HSD17B12: variants seen among roughly 807,000 people sequenced by gnomAD.
HSD17B12 encodes hydroxysteroid 17-beta dehydrogenase 12.
HSD17B12 carries 32 observed loss-of-function variants against 39.3 expected under a neutral mutation model. The observed-to-expected ratio is 0.81, with a 90% CI of 0.61 to 1.09. The LOEUF is 1.09. Among genes scored for constraint, HSD17B12 ranks in the 50% least tolerant of loss-of-function variants. HSD17B12 has a pLI of 0.00. For missense variants in HSD17B12, 342 were observed against 382.9 expected (o/e 0.89, Z 0.89); for synonymous variants, 150 against 146.7 (o/e 1.02, Z -0.16).
intron 4 of HSD17B12, among the ~76,000 whole-genome samples, chr11:43,812,529 T>A (rs989212342): frequency 1.3e-5 from 2 of 152,224 alleles, no homozygotes; most frequent in African/African-American, 4.8e-5. Context: ...TTGAGAAATA[T>A]CTATCCATAT....
At chr11:43,632,218 C>A in the HSD17B12 span, among the ~76,000 whole-genome samples, 14 of 152,150 alleles carry the variant, frequency 9.2e-5, no homozygotes, top group Non-Finnish European at 1.6e-4. Context: ...AGTCATTTTA[C>A]TTCTCTTGTC....
chr11:43,821,145 C>T (rs1016502736), intron 6 of HSD17B12, among the ~76,000 whole-genome samples: 2 of 152,156 alleles, frequency 1.3e-5, no homozygotes. Flanking sequence ...CTTAGTTCTC[C>T]AGTTTCATCC....
the HSD17B12 span, among the ~76,000 whole-genome samples, chr11:43,619,230 T>TAAAATATATATATATG: frequency 2.1e-4 from 4 of 18,922 alleles, no homozygotes; most frequent in Admixed American, 9.4e-4. Flanking sequence ...ATATATATGA[T>TAAAATATATATATATG]ATATATATAT....
Position 43,792,455 on chromosome 11 carries a change from C to T in HSD17B12, c.284-5865C>T, listed in dbSNP as rs570679744. ...GCTGTTTCTCTAAGAGTCTCCTCTC[C>T]CCAACTCATTATCTTTTCCAAGACT... On this transcript the variant is annotated intron_variant, in intron 3 of 10. Transcript: ENST00000278353. 2.0e-5 allele frequency among the ~76,000 whole-genome samples: 3 copies of T among 152,134 alleles called. No homozygotes were observed. In the East Asian group the frequency reaches 5.8e-4, roughly 29 times the overall value.
intron 3 of HSD17B12, chr11:43,754,946 A>T: frequency 1.3e-6 from 1 of 745,412 alleles, no homozygotes; most frequent in Non-Finnish European, 2.4e-6. Flanking sequence ...AACCAGATGG[A>T]TAAACCAATG....
intron 1 of HSD17B12, among the ~76,000 whole-genome samples, chr11:43,733,584 T>C (rs1439375749): frequency 6.6e-6 from 1 of 152,230 alleles, no homozygotes; most frequent in Non-Finnish European, 1.5e-5. Flanking sequence ...TGAATAGTTT[T>C]ACTTCCCAAA....
chr11:43,597,493 G>A, the HSD17B12 span, among the ~76,000 whole-genome samples: 4 of 152,174 alleles, frequency 2.6e-5, no homozygotes, highest in Non-Finnish European at 4.4e-5. Context: ...GAGAGCCACC[G>A]AAGGTTTTAG....
At chr11:43,750,202 C>G (rs1438232476) in intron 1 of HSD17B12, among the ~76,000 whole-genome samples, 1 of 152,060 alleles carries the variant, frequency 6.6e-6, no homozygotes, top group Non-Finnish European at 1.5e-5. Flanking sequence ...TTTCCTGTAT[C>G]CTGGAAGATT....
chr11:43,603,255 T>G, the HSD17B12 span, among the ~76,000 whole-genome samples: 1 of 152,218 alleles, frequency 6.6e-6, no homozygotes, highest in African/African-American at 2.4e-5. Context: ...ATATTTTCTC[T>G]GCAGGCATGA....
intron 3 of HSD17B12, among the ~76,000 whole-genome samples, chr11:43,767,921 TG>T: frequency 6.6e-6 from 1 of 152,368 alleles, no homozygotes; most frequent in Middle Eastern, 3.4e-3. Flanking sequence ...TTAACTTTTA[TG>T]GAACACTTAA....
At chr11:43,583,509 A>G in the HSD17B12 span, among the ~76,000 whole-genome samples, 1 of 152,142 alleles carries the variant, frequency 6.6e-6, no homozygotes, top group Non-Finnish European at 1.5e-5. Flanking sequence ...GGTGGGATCA[A>G]AGGAAGAGAC....
At chr11:43,663,880 T>C in the HSD17B12 span, among the ~76,000 whole-genome samples, 1 of 151,816 alleles carries the variant, frequency 6.6e-6, no homozygotes, top group South Asian at 2.1e-4. Flanking sequence ...ATTTTTTTTT[T>C]GAGATGGAGT....
chr11:43,761,847 T>G (rs904723220), intron 3 of HSD17B12, among the ~76,000 whole-genome samples: 9 of 152,234 alleles, frequency 5.9e-5, no homozygotes, highest in African/African-American at 2.2e-4. Context: ...GGTCTCAGAA[T>G]TCACGTAGCA....
At chr11:43,839,434 G>C (rs1341475027) in intron 8 of HSD17B12, among the ~76,000 whole-genome samples, 2 of 152,098 alleles carry the variant, frequency 1.3e-5, no homozygotes, top group Non-Finnish European at 2.9e-5. Context: ...TGCATTTCTA[G>C]TCTGAGGTTG....
At chr11:43,648,357 C>T in the HSD17B12 span, among the ~76,000 whole-genome samples, 1 of 151,706 alleles carries the variant, frequency 6.6e-6, no homozygotes, top group Non-Finnish European at 1.5e-5. Flanking sequence ...TATTGAATTT[C>T]TTTTTTGGGA....
intron 1 of HSD17B12, among the ~76,000 whole-genome samples, chr11:43,706,394 A>G (rs139214660): frequency 6.0e-4 from 92 of 152,214 alleles, no homozygotes; most frequent in Middle Eastern, 3.4e-3. Context: ...AAATACAAAA[A>G]TTAGCCGTCA....
At chr11:43,737,917 C>G (rs1447790952) in intron 1 of HSD17B12, among the ~76,000 whole-genome samples, 7 of 151,886 alleles carry the variant, frequency 4.6e-5, no homozygotes, top group African/African-American at 1.5e-4. Flanking sequence ...ACTAAAAATA[C>G]AAAAAATTAG....
chr11:43,758,936 C>T (rs1950534299), intron 3 of HSD17B12, among the ~76,000 whole-genome samples: 1 of 152,172 alleles, frequency 6.6e-6, no homozygotes, highest in South Asian at 2.1e-4. Flanking sequence ...ACAATCAAAC[C>T]AGTGCAAAAG....
the HSD17B12 span, among the ~76,000 whole-genome samples, chr11:43,562,125 T>G: frequency 6.6e-6 from 1 of 152,226 alleles, no homozygotes; most frequent in Non-Finnish European, 1.5e-5. Flanking sequence ...GAGAATGAAA[T>G]CAGAAGTGAG....
Sources: gnomAD v4.1 joint callset for allele counts (sites outside exome capture counted in the v4.1 genomes callset) on GRCh38, gnomAD v4.1.1 for gene constraint, MANE v1.5 for transcripts, NCBI Gene and HGNC (gene_info 2026-07-23, HGNC 2026-07-21) for gene names.